PPP1R9A: variants seen among roughly 807,000 people sequenced by gnomAD.
The protein encoded by PPP1R9A is protein phosphatase 1 regulatory subunit 9A, also known as neurabin-1.
In PPP1R9A, 59 loss-of-function variants were observed where a neutral mutation model predicts 141.9. The observed-to-expected ratio is 0.42, with a 90% CI of 0.34 to 0.52. The LOEUF (loss-of-function observed/expected upper bound fraction) is 0.52, where lower values mean the gene tolerates loss of function less well. Among genes scored for constraint, PPP1R9A ranks in the 20% least tolerant of loss-of-function variants. The pLI is 0.10. For synonymous variants in PPP1R9A, 500 were observed against 569.7 expected, an observed-to-expected ratio of 0.88 and a Z score of 1.74; for missense variants, 1,444 against 1,611.9, an observed-to-expected ratio of 0.90 and a Z score of 1.78.
At chr7:95,129,368 T>C (rs910941202) in intron 4 of PPP1R9A, among the ~76,000 whole-genome samples, 1 of 152,198 alleles carries the variant, frequency 6.6e-6, no homozygotes, top group African/African-American at 2.4e-5. Flanking sequence ...TCTTCTCTTG[T>C]CTGCCGCCAT....
intron 7 of PPP1R9A, among the ~76,000 whole-genome samples, chr7:95,225,397 G>C (rs1375900724): frequency 6.6e-6 from 1 of 152,082 alleles, no homozygotes; most frequent in Non-Finnish European, 1.5e-5. Flanking sequence ...CAATACACTT[G>C]GTGCAGGCTG....
At chr7:94,958,205 A>G (rs1797263755) in intron 2 of PPP1R9A, among the ~76,000 whole-genome samples, 1 of 151,996 alleles carries the variant, frequency 6.6e-6, no homozygotes, top group Admixed American at 6.6e-5. Flanking sequence ...TTGTGTATGG[A>G]TAGTTTCTCA....
intron 5 of PPP1R9A, among the ~76,000 whole-genome samples, chr7:95,190,685 C>T (rs1288757559): frequency 1.3e-5 from 2 of 152,174 alleles, no homozygotes; most frequent in Admixed American, 6.5e-5. Flanking sequence ...CAAGAGAGCC[C>T]CAGAGTTTTT....
At chr7:95,264,656 T>C (rs1423693802) in intron 12 of PPP1R9A, among the ~76,000 whole-genome samples, 2 of 152,192 alleles carry the variant, frequency 1.3e-5, no homozygotes, top group Non-Finnish European at 2.9e-5. Context: ...TCAAAACTGC[T>C]CTGTCATTAG....
intron 6 of PPP1R9A, among the ~76,000 whole-genome samples, chr7:95,198,846 A>G (rs1788895934): frequency 6.6e-6 from 1 of 152,202 alleles, no homozygotes; most frequent in Non-Finnish European, 1.5e-5. Flanking sequence ...ATCTTTTCCA[A>G]ATGTTCTACA....
intron 6 of PPP1R9A, among the ~76,000 whole-genome samples, chr7:95,202,820 G>C (rs1359866210): frequency 2.0e-5 from 3 of 151,870 alleles, no homozygotes; most frequent in Non-Finnish European, 4.4e-5. Flanking sequence ...AATGCTGCAG[G>C]CTTAGACTGG....
At chr7:94,975,165 A>G (rs930274635) in intron 2 of PPP1R9A, among the ~76,000 whole-genome samples, 3 of 152,122 alleles carry the variant, frequency 2.0e-5, no homozygotes, top group Admixed American at 1.3e-4. Flanking sequence ...TCTCAAAATC[A>G]AATAAGCAGT....
intron 2 of PPP1R9A, among the ~76,000 whole-genome samples, chr7:95,071,864 A>G (rs1490930913): frequency 6.6e-6 from 1 of 151,934 alleles, no homozygotes; most frequent in African/African-American, 2.4e-5. Flanking sequence ...TTGGATTTCC[A>G]GGCTATTTCC....
In PPP1R9A at chr7:95,216,338, C is replaced by T. The variant is rs1369187074; in HGVS notation, c.1957-9623C>T. Among the ~76,000 whole-genome samples, 4 of 152,200 alleles carry T rather than the reference C, an allele frequency of 2.6e-5. No individual in the cohort carries two copies. In the East Asian group the frequency reaches 5.8e-4, roughly 22 times the overall value. ...CCATTGGTCTATATGTCTGTTTTGG[C>T]ACCAGTACCATGCTGTTTTGGTTAC... is the stretch of plus-strand genomic sequence containing the variant. On this transcript the variant is annotated intron_variant, in intron 7 of 19. Coordinates refer to ENST00000433360, the MANE Select transcript of PPP1R9A (RefSeq NM_001166160.2).
At chr7:95,077,192 T>TGTTG (rs1190100346) in intron 2 of PPP1R9A, among the ~76,000 whole-genome samples, 4 of 152,144 alleles carry the variant, frequency 2.6e-5, no homozygotes, top group African/African-American at 9.6e-5. Context: ...TGCTCTTAAT[T>TGTTG]ATATCAACTT....
chr7:95,199,756 C>G (rs1422872372), intron 6 of PPP1R9A, among the ~76,000 whole-genome samples: 1 of 152,046 alleles, frequency 6.6e-6, no homozygotes. Context: ...GAAAAATGTT[C>G]TCTTGAATTT....
At chr7:95,234,806 T>C (rs1563471719) in intron 8 of PPP1R9A, among the ~76,000 whole-genome samples, 1 of 152,088 alleles carries the variant, frequency 6.6e-6, no homozygotes, top group Non-Finnish European at 1.5e-5. Flanking sequence ...ATGGTACTGG[T>C]ATAAAATTAA....
chr7:95,277,552 T>C (rs1214636723), intron 16 of PPP1R9A, among the ~76,000 whole-genome samples: 1 of 152,008 alleles, frequency 6.6e-6, no homozygotes, highest in Admixed American at 6.6e-5. Flanking sequence ...AGCTCAGCCT[T>C]CTGAGTACCT....
intron 5 of PPP1R9A, among the ~76,000 whole-genome samples, chr7:95,181,745 CCG>C (rs1363216911): frequency 1.4e-4 from 17 of 125,768 alleles, no homozygotes; most frequent in Non-Finnish European, 2.4e-4. Flanking sequence ...TATATATATT[CCG>C]TCACATATAT....
chr7:95,279,480 T>C (rs1803768614), intron 16 of PPP1R9A, among the ~76,000 whole-genome samples: 1 of 152,214 alleles, frequency 6.6e-6, no homozygotes, highest in African/African-American at 2.4e-5. Context: ...ATCGGACTTA[T>C]TCCCCATAAC....
intron 2 of PPP1R9A, among the ~76,000 whole-genome samples, chr7:94,929,035 T>C (rs995634222): frequency 3.3e-5 from 5 of 152,320 alleles, no homozygotes; most frequent in African/African-American, 1.2e-4. Flanking sequence ...GATTGGTAAA[T>C]GAATATACTT....
chr7:95,007,050 C>T (rs928283684), intron 2 of PPP1R9A, among the ~76,000 whole-genome samples: 31 of 151,940 alleles, frequency 2.0e-4, no homozygotes, highest in African/African-American at 7.0e-4. Context: ...TTAGTAGAGA[C>T]GAGGTTTTAC....
At chr7:95,112,292 G>T (rs1820704877) in intron 3 of PPP1R9A, among the ~76,000 whole-genome samples, 1 of 152,096 alleles carries the variant, frequency 6.6e-6, no homozygotes, top group Non-Finnish European at 1.5e-5. Context: ...CTTACAAGCA[G>T]TCAACAAACA....
chr7:95,136,329 A>G (rs1005623281), intron 4 of PPP1R9A, among the ~76,000 whole-genome samples: 6 of 152,150 alleles, frequency 3.9e-5, no homozygotes, highest in African/African-American at 1.4e-4. Context: ...AGTGACATGC[A>G]CCTATAGTCT....
Sources: allele counts gnomAD v4.1 joint callset (sites outside exome capture counted in the v4.1 genomes callset), GRCh38; gene constraint gnomAD v4.1.1; transcripts MANE v1.5; gene names NCBI Gene and HGNC (gene_info 2026-07-23, HGNC 2026-07-21).